NCOA2: variants seen among roughly 807,000 people sequenced by gnomAD.
NCOA2 encodes class E basic helix-loop-helix protein 75.
In NCOA2, 21 loss-of-function variants were observed where a neutral mutation model predicts 145.1. That is an observed-to-expected ratio of 0.14 (90% CI 0.10 to 0.21). The LOEUF is 0.21. Among genes scored for constraint, NCOA2 ranks in the 10% least tolerant of loss-of-function variants. NCOA2 has a pLI of 1.00. For synonymous variants in NCOA2, 619 were observed against 637.5 expected (o/e 0.97, Z 0.44); for missense variants, 1,472 against 1,837.6 (o/e 0.80, Z 3.64).
chr8:70,446,257 G>A, the NCOA2 span, among the ~76,000 whole-genome samples: 1 of 152,190 alleles, frequency 6.6e-6, no homozygotes, highest in African/African-American at 2.4e-5. Flanking sequence ...GGGCCCTGAA[G>A]TCAAACCACC....
intron 2 of NCOA2, among the ~76,000 whole-genome samples, chr8:70,249,509 A>G (rs1230657708): frequency 3.3e-5 from 5 of 152,072 alleles, no homozygotes; most frequent in African/African-American, 4.8e-5. Flanking sequence ...TGGGGTAGAG[A>G]GGATGTTTAT....
chr8:70,371,777 C>T (rs1043560698), intron 1 of NCOA2, among the ~76,000 whole-genome samples: 9 of 152,190 alleles, frequency 5.9e-5, no homozygotes, highest in Admixed American at 5.9e-4. Flanking sequence ...AATACACTTA[C>T]AGCAACAGTT....
chr8:70,148,623 C>T, intron 11 of NCOA2, 140 bp from the exon 12 acceptor site: 1 of 677,850 alleles, frequency 1.5e-6, no homozygotes, highest in South Asian at 1.9e-5. Context: ...ACAGGCCTAA[C>T]AGATAATTGA....
chr8:70,223,426 C>T (rs766125446), intron 2 of NCOA2, among the ~76,000 whole-genome samples: 1 of 152,200 alleles, frequency 6.6e-6, no homozygotes, highest in Non-Finnish European at 1.5e-5. Context: ...TTCTCTCTCA[C>T]AGCATAATAT....
chr8:70,354,107 T>C (rs570543409), intron 1 of NCOA2, among the ~76,000 whole-genome samples: 11 of 152,154 alleles, frequency 7.2e-5, no homozygotes, highest in Non-Finnish European at 1.6e-4. Flanking sequence ...ACCAAGAAGG[T>C]TTCAGTTGTA....
the NCOA2 span, among the ~76,000 whole-genome samples, chr8:70,434,190 CTG>C: frequency 6.6e-6 from 1 of 152,178 alleles, no homozygotes; most frequent in African/African-American, 2.4e-5. Flanking sequence ...AGAACCCACT[CTG>C]TAAGTTTCCT....
At chr8:70,201,150 CA>C (rs1204420733) in intron 4 of NCOA2, among the ~76,000 whole-genome samples, 1 of 146,230 alleles carries the variant, frequency 6.8e-6, no homozygotes, top group East Asian at 2.0e-4. Flanking sequence ...TTTACCACAA[CA>C]AAAAAGGTCA....
chr8:70,361,567 C>T (rs1269861805), intron 1 of NCOA2, among the ~76,000 whole-genome samples: 2 of 152,164 alleles, frequency 1.3e-5, no homozygotes, highest in Admixed American at 6.5e-5. Context: ...TTTACATATT[C>T]TAACTCTTTA....
chr8:70,387,454 G>A lies in NCOA2; in HGVS notation c.-77+16246C>T, dbSNP rs532361371. On this transcript the variant is annotated intron_variant, in intron 1 of 22. Transcript: ENST00000452400. ...TATCTCATATTGAATCACTTCATAC[G>A]TCTCAGAAATAATAAATCCTCTTTC... Among the ~76,000 whole-genome samples, 185 of 152,216 alleles carry A rather than the reference G, an allele frequency of 1.2e-3. 2 individuals carry two copies. The highest frequency in any genetic ancestry group is 7.3e-3 in the South Asian group (35 of 4,824).
At chr8:70,216,575 A>G in intron 3 of NCOA2, 85 bp downstream of exon 3, 7 of 1,073,154 alleles carry the variant, frequency 6.5e-6, no homozygotes, top group Middle Eastern at 4.0e-4. Flanking sequence ...TTGAATCAGC[A>G]GTAAAATCAA....
chr8:70,172,857 G>A (rs1814406568), intron 5 of NCOA2, among the ~76,000 whole-genome samples: 1 of 151,888 alleles, frequency 6.6e-6, no homozygotes, highest in Admixed American at 6.6e-5. Flanking sequence ...ATAAAGCTGT[G>A]TTTTTTTTAA....
chr8:70,301,046 C>T, intron 1 of NCOA2, among the ~76,000 whole-genome samples: 1 of 152,180 alleles, frequency 6.6e-6, no homozygotes, highest in East Asian at 1.9e-4. Context: ...AAGAGTCTGA[C>T]TCTGGAGTTC....
chr8:70,355,328 C>T (rs1199158321), intron 1 of NCOA2, among the ~76,000 whole-genome samples: 1 of 152,162 alleles, frequency 6.6e-6, no homozygotes, highest in Non-Finnish European at 1.5e-5. Flanking sequence ...GTCCTTCAAG[C>T]CAGAATATCT....
At chr8:70,355,712 G>A (rs936807190) in intron 1 of NCOA2, among the ~76,000 whole-genome samples, 1 of 151,964 alleles carries the variant, frequency 6.6e-6, no homozygotes, top group Non-Finnish European at 1.5e-5. Context: ...ATAGTTTCCT[G>A]TTACCTACAC....
Position 70,214,177 on chromosome 8 carries a change from C to G in NCOA2, c.87-102G>C, listed in dbSNP as rs1013536519. ...TTAATACAAAGATAGCAAACAAAAG[C>G]TACCTATATAAACACAGAAATACTT... is the stretch of plus-strand genomic sequence containing the variant. On this transcript the variant is annotated intron_variant, in intron 3 of 22. Coordinates refer to ENST00000452400, the MANE Select transcript of NCOA2 (RefSeq NM_006540.4). The G allele has an allele frequency of 5.5e-6, 6 of 1,092,960 alleles. No homozygotes were observed. The Admixed American group carries it at 7.4e-5, about 13-fold the overall frequency. The allele number at this position is 1,092,960 out of a possible 1,614,324, so 67.7% of individuals were successfully genotyped here. A position where few individuals can be genotyped will look rare whatever the true frequency, so the allele number is the denominator to read the frequency against.
chr8:70,254,580 C>T (rs146949412), intron 2 of NCOA2, among the ~76,000 whole-genome samples: 5 of 150,696 alleles, frequency 3.3e-5, no homozygotes, highest in African/African-American at 1.2e-4. Context: ...GAAGATTATG[C>T]TAAGTGAAAT....
intron 1 of NCOA2, among the ~76,000 whole-genome samples, chr8:70,358,898 C>T (rs554355698): frequency 4.6e-5 from 7 of 151,918 alleles, no homozygotes; most frequent in South Asian, 2.1e-4. Flanking sequence ...AAAGAGAAAC[C>T]GATTAAAAAA....
At chr8:70,208,311 GA>G (rs1818676056) in intron 4 of NCOA2, among the ~76,000 whole-genome samples, 1 of 151,862 alleles carries the variant, frequency 6.6e-6, no homozygotes, top group African/African-American at 2.4e-5. Context: ...AGATGCAGAA[GA>G]AAAGTTTAAA....
Position 70,225,030 on chromosome 8 carries a change from C to T in NCOA2, c.-19-8266G>A, listed in dbSNP as rs114206890. On this transcript the variant is annotated intron_variant, in intron 2 of 22. Coordinates refer to ENST00000452400, the MANE Select transcript of NCOA2 (RefSeq NM_006540.4). The stretch of plus-strand genomic sequence containing the variant: ...CCATCATCCCGAGACTCTCAGACAG[C>T]GGCAGCAAGAGGACATGATCTATTA... Among the ~76,000 whole-genome samples, 408 of 152,170 alleles carry T rather than the reference C, an allele frequency of 2.7e-3. 1 individual carries two copies. The highest frequency in any genetic ancestry group is 0.025 in the East Asian group (129 of 5,172).
Sources: gnomAD v4.1 joint callset for allele counts (sites outside exome capture counted in the v4.1 genomes callset) on GRCh38, gnomAD v4.1.1 for gene constraint, MANE v1.5 for transcripts, NCBI Gene and HGNC (gene_info 2026-07-23, HGNC 2026-07-21) for gene names.